The following FHIT variants were observed in gnomAD, a reference collection of about 807,000 sequenced individuals.
The protein encoded by FHIT is fragile histidine triad diadenosine triphosphatase.
A neutral mutation model predicts 17.9 loss-of-function variants in FHIT; 19 were observed. That is an observed-to-expected ratio of 1.06 (90% CI 0.74 to 1.56). The LOEUF (loss-of-function observed/expected upper bound fraction) is 1.56. Among genes scored for constraint, FHIT ranks in the 40% most tolerant of loss-of-function variants. The probability of loss-of-function intolerance (pLI) is 0.00; values close to 1 mark genes in which losing one functional copy is unlikely to be tolerated. For synonymous variants in FHIT, 81 were observed against 69.7 expected, an observed-to-expected ratio of 1.16 and a Z score of -0.81; for missense variants, 248 against 189.2, an observed-to-expected ratio of 1.31 and a Z score of -1.82.
chr3:60,686,576 T>G (rs2040867162), intron 4 of FHIT, among the ~76,000 whole-genome samples: 1 of 152,100 alleles, frequency 6.6e-6, no homozygotes, highest in Non-Finnish European at 1.5e-5. Context: ...CTGTTCTTCA[T>G]AGAGAAAATC....
intron 3 of FHIT, among the ~76,000 whole-genome samples, chr3:60,936,630 T>C (rs535147353): frequency 1.8e-4 from 27 of 152,302 alleles, no homozygotes; most frequent in Non-Finnish European, 2.6e-4. Flanking sequence ...ATAACATACA[T>C]TATTGCCTAT....
intron 5 of FHIT, among the ~76,000 whole-genome samples, chr3:60,318,874 C>T (rs1187682961): frequency 6.6e-6 from 1 of 152,124 alleles, no homozygotes; most frequent in Non-Finnish European, 1.5e-5. Flanking sequence ...TCTAGAGATT[C>T]GGAAGGAAGA....
intron 3 of FHIT, among the ~76,000 whole-genome samples, chr3:60,839,340 C>G (rs150182676): frequency 3.3e-4 from 51 of 152,244 alleles, no homozygotes; most frequent in African/African-American, 1.2e-3. Flanking sequence ...AGCCGATTCC[C>G]TGCCTTCTAC....
intron 3 of FHIT, among the ~76,000 whole-genome samples, chr3:60,863,292 C>T (rs9858465): frequency 0.029 from 4,366 of 152,184 alleles, 196 homozygotes; most frequent in African/African-American, 0.099. Context: ...ATAACCTGAA[C>T]GAGTTTGGAA....
chr3:61,181,942 G>A (rs2038357462), intron 2 of FHIT, among the ~76,000 whole-genome samples: 1 of 152,094 alleles, frequency 6.6e-6, no homozygotes, highest in Non-Finnish European at 1.5e-5. Flanking sequence ...CTGGCTACTG[G>A]ACATACCAAG....
At chr3:59,844,634 G>C (rs1454353966) in intron 8 of FHIT, among the ~76,000 whole-genome samples, 1 of 152,082 alleles carries the variant, frequency 6.6e-6, no homozygotes, top group Admixed American at 6.6e-5. Context: ...GTTGATTTTT[G>C]TGTATAGAAC....
chr3:60,584,919 C>T (rs1401157792), intron 4 of FHIT, among the ~76,000 whole-genome samples: 2 of 151,982 alleles, frequency 1.3e-5, no homozygotes, highest in African/African-American at 4.8e-5. Flanking sequence ...TGGTCTCACT[C>T]CACTAAACTA....
At chr3:59,901,585 T>A (rs537004811) in intron 8 of FHIT, among the ~76,000 whole-genome samples, 1 of 152,200 alleles carries the variant, frequency 6.6e-6, no homozygotes, top group Non-Finnish European at 1.5e-5. Context: ...TACCACTTCA[T>A]GCTTATTGCT....
intron 4 of FHIT, among the ~76,000 whole-genome samples, chr3:60,703,458 A>G (rs566897009): frequency 6.6e-6 from 1 of 152,372 alleles, no homozygotes; most frequent in South Asian, 2.1e-4. Context: ...TCTTTTAATT[A>G]ATGGTATAAA....
At position 60,006,697 on chromosome 3, in the gene FHIT, G is replaced by C. The variant is rs954987226; in HGVS notation, c.279+4674C>G. Among the ~76,000 whole-genome samples the C allele has an allele frequency of 5.3e-5, 8 of 151,800 alleles. No homozygotes were observed. In the East Asian group the frequency reaches 1.5e-3, roughly 29 times the overall value. On this transcript the variant is annotated intron_variant, in intron 7 of 9. Transcript: ENST00000492590. ...AAATTGATGTTCAGAGAGGCTAAAA[G>C]GCTGATCCAAAGGTGCACAGTTAGG...
intron 1 of FHIT, among the ~76,000 whole-genome samples, chr3:61,209,406 G>T (rs1011345949): frequency 6.6e-6 from 1 of 152,216 alleles, no homozygotes; most frequent in Non-Finnish European, 1.5e-5. Context: ...ATATCCTGCA[G>T]AGTGTTTTCC....
chr3:59,895,257 T>A (rs1015818145), intron 8 of FHIT, among the ~76,000 whole-genome samples: 1 of 152,252 alleles, frequency 6.6e-6, no homozygotes, highest in Non-Finnish European at 1.5e-5. Context: ...CATTGCTAAA[T>A]GTTTTCCTCA....
At chr3:60,908,491 T>C (rs1025969559) in intron 3 of FHIT, among the ~76,000 whole-genome samples, 9 of 151,844 alleles carry the variant, frequency 5.9e-5, no homozygotes, top group Non-Finnish European at 1.3e-4. Context: ...CACAATGGGG[T>C]GCCCTCTTTA....
intron 5 of FHIT, among the ~76,000 whole-genome samples, chr3:60,196,469 A>G (rs1702644545): frequency 2.0e-5 from 3 of 152,162 alleles, no homozygotes; most frequent in Non-Finnish European, 4.4e-5. Context: ...CATTGGACCT[A>G]CCTGAATAAT....
intron 5 of FHIT, among the ~76,000 whole-genome samples, chr3:60,211,393 C>G (rs972220729): frequency 2.0e-5 from 3 of 151,956 alleles, no homozygotes; most frequent in African/African-American, 7.2e-5. Flanking sequence ...AGAAGTTATA[C>G]TACTTTGAAC....
chr3:60,692,236 T>A (rs2041008826), intron 4 of FHIT, among the ~76,000 whole-genome samples: 1 of 152,158 alleles, frequency 6.6e-6, no homozygotes, highest in East Asian at 1.9e-4. Context: ...CTGTGACAGA[T>A]CCTGACAAAC....
intron 2 of FHIT, among the ~76,000 whole-genome samples, chr3:61,080,185 G>A (rs1463956644): frequency 2.0e-5 from 3 of 152,100 alleles, no homozygotes; most frequent in African/African-American, 7.2e-5. Flanking sequence ...TTTAGTTAGA[G>A]CTTTATCAAA....
chr3:60,011,268 T>C (rs1056193731), intron 7 of FHIT, 103 bp downstream of exon 7: 28 of 1,084,192 alleles, frequency 2.6e-5, no homozygotes, highest in Non-Finnish European at 3.8e-5. Flanking sequence ...ACCTCGAAGA[T>C]AACATAATGA....
intron 3 of FHIT, among the ~76,000 whole-genome samples, chr3:61,029,763 C>T (rs144908920): frequency 1.9e-4 from 29 of 152,072 alleles, no homozygotes; most frequent in Non-Finnish European, 2.4e-4. Flanking sequence ...TTATTTGAGT[C>T]TAACAGGTTA....
Sources: gnomAD v4.1 joint callset for allele counts (sites outside exome capture counted in the v4.1 genomes callset) on GRCh38, gnomAD v4.1.1 for gene constraint, MANE v1.5 for transcripts, NCBI Gene and HGNC (gene_info 2026-07-23, HGNC 2026-07-21) for gene names.